GLIS3: variants seen among roughly 807,000 people sequenced by gnomAD.
GLIS3 encodes GLIS family zinc finger 3, also known as zinc finger protein GLIS3.
GLIS3 carries 53 observed loss-of-function variants against 78.6 expected under a neutral mutation model. The observed-to-expected ratio is 0.67, with a 90% confidence interval of 0.54 to 0.85. The LOEUF is 0.85. Among genes scored for constraint, GLIS3 ranks in the 40% least tolerant of loss-of-function variants. The probability of loss-of-function intolerance (pLI) is 0.00; values close to 1 mark genes in which losing one functional copy is unlikely to be tolerated. For synonymous variants in GLIS3, 684 were observed against 509.9 expected (o/e 1.34, Z -4.60); for missense variants, 1,703 against 1,231.1 (o/e 1.38, Z -5.74).
At chr9:4,376,408 G>T in the GLIS3 span, among the ~76,000 whole-genome samples, 2 of 139,566 alleles carry the variant, frequency 1.4e-5, no homozygotes, top group Non-Finnish European at 3.2e-5. Flanking sequence ...AGTTTAAAAA[G>T]TAGAATCTAT....
intron 2 of GLIS3, among the ~76,000 whole-genome samples, chr9:4,257,587 T>TGTTGTTGTTGTTGTTGTTGTTG (rs1563844885): frequency 1.5e-4 from 1 of 6,896 alleles, no homozygotes. Context: ...TTGTTGTTAT[T>TGTTGTTGTTGTTGTTGTTGTTG]TTTTGAGACG....
chr9:4,183,932 TTAAAC>T (rs528165829), intron 2 of GLIS3, among the ~76,000 whole-genome samples: 63 of 152,320 alleles, frequency 4.1e-4, no homozygotes, highest in Admixed American at 1.4e-3. Flanking sequence ...GGCATTTTAA[TTAAAC>T]TAAGTAGCTA....
At chr9:4,056,758 A>C (rs1448345938) in intron 4 of GLIS3, among the ~76,000 whole-genome samples, 3 of 152,138 alleles carry the variant, frequency 2.0e-5, no homozygotes, top group Non-Finnish European at 4.4e-5. Flanking sequence ...TCAAATGGGC[A>C]CTTAGTAAAA....
intron 4 of GLIS3, among the ~76,000 whole-genome samples, chr9:4,114,701 C>T (rs1392148593): frequency 1.3e-5 from 2 of 152,094 alleles, no homozygotes; most frequent in Non-Finnish European, 2.9e-5. Context: ...GCCTGTCTGT[C>T]TACAGAGGCC....
intron 6 of GLIS3, among the ~76,000 whole-genome samples, chr9:3,922,956 G>C (rs1824986240): frequency 6.6e-6 from 1 of 152,146 alleles, no homozygotes; most frequent in Non-Finnish European, 1.5e-5. Flanking sequence ...AACAACCAGA[G>C]AATCCTCATT....
rs1831857781 is a variant in GLIS3, at chr9:4,118,204, G to C, written c.1274C>G (p.Ala425Gly). 1.9e-6 allele frequency: 3 copies of C among 1,586,206 alleles called. No homozygotes were observed. Among genetic ancestry groups the C allele is most frequent in the Non-Finnish European group, 2.6e-6 (3 of 1,166,074 alleles). Residue 425 changes from alanine (A) to glycine (G), a missense_variant, in exon 4 of 11, where the codon GCC becomes GGC. Physicochemically the swap from Ala to Gly is moderately conservative, Grantham distance 60. Transcript: ENST00000381971. The surrounding 1 kb of genome is among the most constrained non-coding windows in gnomAD (Gnocchi z 4.7). ...CAGGCGTTCGGTCTTGAACAGGCCG[G>C]CCGACTGGCTGTCGGGGCCCGGCAG... ...HGLPGPDSQS[A>G]GLFKTERLEE...
At chr9:3,874,149 G>A (rs534441237) in intron 8 of GLIS3, among the ~76,000 whole-genome samples, 4 of 152,038 alleles carry the variant, frequency 2.6e-5, no homozygotes, top group African/African-American at 9.7e-5. Context: ...AGAGACCAAG[G>A]CAGGATTAGA....
the GLIS3 span, among the ~76,000 whole-genome samples, chr9:4,391,525 G>T: frequency 2.0e-5 from 3 of 151,012 alleles, no homozygotes; most frequent in Admixed American, 2.0e-4. Context: ...CTTCCTCATT[G>T]CTAGATTTAT....
intron 2 of GLIS3, among the ~76,000 whole-genome samples, chr9:4,283,317 G>A (rs1003875944): frequency 6.7e-6 from 1 of 150,098 alleles, no homozygotes; most frequent in South Asian, 2.1e-4. Context: ...CCCGGCTGGA[G>A]TGCAATGGCG....
In GLIS3 at chr9:4,028,222, A is replaced by G. The variant is rs185952358; in HGVS notation, c.1710+89546T>C. Among the ~76,000 whole-genome samples, 4 of 152,330 alleles carry G rather than the reference A, an allele frequency of 2.6e-5. No homozygotes were observed. The East Asian group carries it at 7.7e-4, about 29-fold the overall frequency. On this transcript the variant is annotated intron_variant, in intron 4 of 10. Coordinates refer to ENST00000381971, the MANE Select transcript of GLIS3 (RefSeq NM_001042413.2). ...ACGTATCTTAAATTTTCTGGGCCTCAGTTTCTCCATCTGCAAGATGGTGAT... is the reference window on the plus strand; with the variant it reads ...ACGTATCTTAAATTTTCTGGGCCTCGGTTTCTCCATCTGCAAGATGGTGAT...
intron 4 of GLIS3, among the ~76,000 whole-genome samples, chr9:4,090,786 C>A (rs1173885263): frequency 1.3e-5 from 2 of 152,214 alleles, no homozygotes; most frequent in Admixed American, 1.3e-4. Flanking sequence ...GCACAAAACA[C>A]ACCCTCTGTC....
chr9:3,976,531 G>T (rs1219591815), intron 4 of GLIS3, among the ~76,000 whole-genome samples: 1 of 151,312 alleles, frequency 6.6e-6, no homozygotes, highest in East Asian at 1.9e-4. Flanking sequence ...CCCTTTCTAA[G>T]TATGAGTAGG....
chr9:4,222,140 C>T (rs2131334932), intron 2 of GLIS3, among the ~76,000 whole-genome samples: 1 of 152,314 alleles, frequency 6.6e-6, no homozygotes, highest in Non-Finnish European at 1.5e-5. Context: ...TCTTCTCCAC[C>T]AGGGTCAGTG....
the GLIS3 span, among the ~76,000 whole-genome samples, chr9:4,480,398 C>T: frequency 2.0e-5 from 3 of 152,016 alleles, no homozygotes; most frequent in South Asian, 4.2e-4. Context: ...GTCAGTGTCT[C>T]ATTATGTTTT....
In GLIS3 at chr9:4,260,004, AGGGAGAT is replaced by A. The variant is rs1404907697; in HGVS notation, c.388+26027_388+26033del. 8.5e-5 allele frequency among the ~76,000 whole-genome samples: 13 copies of A among 152,308 alleles called. No homozygotes were observed. In the East Asian group the frequency reaches 2.1e-3, roughly 25 times the overall value. On this transcript the variant is annotated intron_variant, in intron 2 of 10. Coordinates refer to ENST00000381971, the MANE Select transcript of GLIS3 (RefSeq NM_001042413.2). ...TCCAAGAAGTGGGGAAATTTAAGCA[AGGGAGAT>A]GGAAACACAGAGGGAGAAAGGAAAG...
chr9:4,336,026 C>T (rs1817750886), intron 2 of GLIS3, among the ~76,000 whole-genome samples: 1 of 152,158 alleles, frequency 6.6e-6, no homozygotes, highest in African/African-American at 2.4e-5. Context: ...AGATGATGTG[C>T]TGTGAGATCT....
At chr9:4,338,346 G>A (rs766991192) in intron 2 of GLIS3, among the ~76,000 whole-genome samples, 1 of 149,554 alleles carries the variant, frequency 6.7e-6, no homozygotes, top group African/African-American at 2.5e-5. Context: ...GAGATAGATG[G>A]ATTTCTATTA....
At chr9:4,167,834 G>C (rs769726369) in intron 2 of GLIS3, among the ~76,000 whole-genome samples, 1 of 152,080 alleles carries the variant, frequency 6.6e-6, no homozygotes, top group Non-Finnish European at 1.5e-5. Flanking sequence ...TATGGCTTCC[G>C]GGTCCTCTTT....
chr9:4,064,552 G>C (rs1826932068), intron 4 of GLIS3, among the ~76,000 whole-genome samples: 1 of 152,134 alleles, frequency 6.6e-6, no homozygotes, highest in Non-Finnish European at 1.5e-5. Flanking sequence ...CACATCCCAA[G>C]GCCGAGGCAG....
Sources: allele counts gnomAD v4.1 joint callset (sites outside exome capture counted in the v4.1 genomes callset), GRCh38; gene constraint gnomAD v4.1.1; non-coding constraint Gnocchi (gnomAD v3.1); transcripts MANE v1.5; gene names NCBI Gene and HGNC (gene_info 2026-07-23, HGNC 2026-07-21).